The following ONECUT2 variants were observed in gnomAD, a reference collection of about 807,000 sequenced individuals.
ONECUT2 encodes the protein one cut homeobox 2.
A neutral mutation model predicts 27.9 loss-of-function variants in ONECUT2; 10 were observed. The ratio of observed to expected loss-of-function variants is 0.36; its 90% CI spans 0.22 to 0.61. ONECUT2 has a LOEUF of 0.61. Among genes scored for constraint, ONECUT2 ranks in the 20% least tolerant of loss-of-function variants. The probability of loss-of-function intolerance (pLI) is 0.73; values close to 1 mark genes in which losing one functional copy is unlikely to be tolerated. For synonymous variants in ONECUT2, 334 were observed against 315.1 expected (o/e 1.06, Z -0.64); for missense variants, 686 against 721.0 (o/e 0.95, Z 0.56).
At chr18:57,459,242 A>G (rs2050276866) in intron 1 of ONECUT2, among the ~76,000 whole-genome samples, 1 of 152,246 alleles carries the variant, frequency 6.6e-6, no homozygotes, top group African/African-American at 2.4e-5. Context: ...TAGAAAAAAT[A>G]TTTCATGCAA....
intron 1 of ONECUT2, among the ~76,000 whole-genome samples, chr18:57,442,709 C>A (rs2050182320): frequency 6.6e-6 from 1 of 152,174 alleles, no homozygotes; most frequent in African/African-American, 2.4e-5. Flanking sequence ...GAATCATAGA[C>A]TCTCTCCTAC....
chr18:57,473,282 G>A (rs1354543856), intron 1 of ONECUT2, among the ~76,000 whole-genome samples: 4 of 152,096 alleles, frequency 2.6e-5, no homozygotes, highest in African/African-American at 7.2e-5. Flanking sequence ...CCTGGGATGC[G>A]GTGTCAGTGT....
At chr18:57,442,294 T>C (rs113194131) in intron 1 of ONECUT2, among the ~76,000 whole-genome samples, 2,213 of 149,786 alleles carry the variant, frequency 0.015, 63 homozygotes, top group African/African-American at 0.053. Context: ...TGAAGAAGGC[T>C]GAGCTTTTCC....
chr18:57,465,574 A>G (rs2050317006), intron 1 of ONECUT2, among the ~76,000 whole-genome samples: 1 of 152,150 alleles, frequency 6.6e-6, no homozygotes, highest in South Asian at 2.1e-4. Flanking sequence ...TTTGCATCAT[A>G]TTGTTATATC....
chr18:57,490,854 C>T lies in ONECUT2; in HGVS notation c.*14131C>T, dbSNP rs188979680. 38 of 152,738 alleles carry T rather than the reference C, an allele frequency of 2.5e-4. No individual in the cohort carries two copies. Among genetic ancestry groups the T allele is most frequent in the African/African-American group, 8.9e-4 (37 of 41,564 alleles). The allele number at this position is 152,738 out of a possible 1,614,324, so 9.5% of individuals were successfully genotyped here. On this transcript the variant is annotated 3_prime_UTR_variant, in exon 2 of 2. Transcript: ENST00000491143. The stretch of plus-strand genomic sequence containing the variant: ...TCATGTTTAAAATCAGGAAAACACA[C>T]CCCTAAAATTTGCACTCTCTTCCGT...
chr18:57,450,230 G>C (rs12954956), intron 1 of ONECUT2, among the ~76,000 whole-genome samples: 1 of 152,138 alleles, frequency 6.6e-6, no homozygotes, highest in African/African-American at 2.4e-5. Flanking sequence ...CTGGAGTGCA[G>C]TGGTGCGATC....
Position 57,466,965 on chromosome 18 carries a change from C to T in ONECUT2, c.1229-9472C>T, listed in dbSNP as rs184974520. On this transcript the variant is annotated intron_variant, in intron 1 of 1. Transcript: ENST00000491143. ...TCCAGTGTGCTTCCTACAGGCAGCACCTGCGGGCAGCTACAGGGGCCTGAA... is the reference window on the plus strand; with the variant it reads ...TCCAGTGTGCTTCCTACAGGCAGCATCTGCGGGCAGCTACAGGGGCCTGAA... Among the ~76,000 whole-genome samples, 7 of 152,330 alleles carry T rather than the reference C, an allele frequency of 4.6e-5. No homozygotes were observed. The East Asian group carries it at 7.7e-4, about 17-fold the overall frequency.
At chr18:57,452,410 GTATTT>G (rs59877360) in intron 1 of ONECUT2, among the ~76,000 whole-genome samples, 17 of 151,002 alleles carry the variant, frequency 1.1e-4, no homozygotes, top group South Asian at 2.1e-4. Context: ...AGCTCAACCT[GTATTT>G]TATTTTATTT....
chr18:57,476,814 C>T lies in ONECUT2; in HGVS notation c.*91C>T. On this transcript the variant is annotated 3_prime_UTR_variant, in exon 2 of 2. Coordinates refer to ENST00000491143, the MANE Select transcript of ONECUT2 (RefSeq NM_004852.3). ...AAGGAAAAAGACACCGGATTCCTAG[C>T]TGGGGCCCTTCACTGGTGATTTGAA... 7.2e-7 allele frequency: 1 copy of T among 1,384,530 alleles called. No homozygotes were observed. Among genetic ancestry groups the T allele is most frequent in the African/African-American group, 1.5e-5 (1 of 68,656 alleles). The allele number at this position is 1,384,530 out of a possible 1,614,324, so 85.8% of individuals were successfully genotyped here.
chr18:57,480,485 T>G lies in ONECUT2; in HGVS notation c.*3762T>G, dbSNP rs1256979031. The stretch of plus-strand genomic sequence containing the variant: ...GGGTCTCCAGCATCCTCTGAAGATG[T>G]CTAGACTAGTAGAGGCTGCCTTTGT... On this transcript the variant is annotated 3_prime_UTR_variant, in exon 2 of 2. Coordinates refer to ENST00000491143, the MANE Select transcript of ONECUT2 (RefSeq NM_004852.3). The G allele has an allele frequency of 6.6e-6, 1 of 152,086 alleles. No individual in the cohort carries two copies. The highest frequency in any genetic ancestry group is 1.5e-5 in the Non-Finnish European group (1 of 68,028). The allele number at this position is 152,086 out of a possible 1,614,324, so 9.4% of individuals were successfully genotyped here.
intron 1 of ONECUT2, among the ~76,000 whole-genome samples, chr18:57,439,536 A>G (rs928835686): frequency 2.6e-5 from 4 of 152,254 alleles, no homozygotes; most frequent in Non-Finnish European, 5.9e-5. Context: ...GTTTGGGGTC[A>G]GTAGATCAGT....
chr18:57,448,564 C>T (rs973173961), intron 1 of ONECUT2, among the ~76,000 whole-genome samples: 1 of 152,186 alleles, frequency 6.6e-6, no homozygotes. Context: ...AAGTTTCTTC[C>T]AGCTGTGTAG....
chr18:57,439,383 C>T (rs577457412), intron 1 of ONECUT2, among the ~76,000 whole-genome samples: 2 of 152,370 alleles, frequency 1.3e-5, no homozygotes, highest in East Asian at 3.9e-4. Context: ...TGCTGAGGAC[C>T]CCGCTTTGCT....
intron 1 of ONECUT2, among the ~76,000 whole-genome samples, chr18:57,458,479 G>C (rs78567996): frequency 6.6e-6 from 1 of 152,338 alleles, no homozygotes; most frequent in East Asian, 1.9e-4. Context: ...GCATCACACT[G>C]CATGCATCAT....
chr18:57,444,837 C>T (rs1045714360), intron 1 of ONECUT2, among the ~76,000 whole-genome samples: 7 of 151,786 alleles, frequency 4.6e-5, no homozygotes, highest in South Asian at 4.2e-4. Context: ...GATAGCTGGG[C>T]ATTAAGCCCA....
chr18:57,448,058 C>G (rs1031514681), intron 1 of ONECUT2, among the ~76,000 whole-genome samples: 16 of 152,290 alleles, frequency 1.1e-4, no homozygotes, highest in African/African-American at 3.9e-4. Context: ...CAATCAGTTG[C>G]TTTGCTTTAT....
At chr18:57,460,687 C>CTTTTT (rs66773926) in intron 1 of ONECUT2, among the ~76,000 whole-genome samples, 37 of 112,958 alleles carry the variant, frequency 3.3e-4, no homozygotes, top group African/African-American at 1.0e-3. Context: ...TCATTCAAAT[C>CTTTTT]TTTTTTTTTT....
At chr18:57,450,133 T>A (rs1409845826) in intron 1 of ONECUT2, among the ~76,000 whole-genome samples, 1 of 152,184 alleles carries the variant, frequency 6.6e-6, no homozygotes, top group Non-Finnish European at 1.5e-5. Context: ...CTTACATCTA[T>A]CATTCTTTTC....
chr18:57,463,926 T>G (rs1467425873), intron 1 of ONECUT2, among the ~76,000 whole-genome samples: 1 of 152,058 alleles, frequency 6.6e-6, no homozygotes, highest in Non-Finnish European at 1.5e-5. Context: ...GCCACCTTAC[T>G]GAACTTTTTT....
Sources: gnomAD v4.1 joint callset for allele counts (sites outside exome capture counted in the v4.1 genomes callset) on GRCh38, gnomAD v4.1.1 for gene constraint, MANE v1.5 for transcripts, NCBI Gene and HGNC (gene_info 2026-07-23, HGNC 2026-07-21) for gene names.